STK3: variants seen among roughly 807,000 people sequenced by gnomAD.
STK3 encodes the protein serine/threonine-protein kinase 3.
In STK3, 41 loss-of-function variants were observed where a neutral mutation model predicts 58.0. The ratio of observed to expected loss-of-function variants is 0.71; its 90% CI spans 0.55 to 0.92. The LOEUF is 0.92. Among genes scored for constraint, STK3 ranks in the 40% least tolerant of loss-of-function variants. STK3 has a pLI of 0.00. For missense variants in STK3, 479 were observed against 602.7 expected (o/e 0.79, Z 2.15); for synonymous variants, 170 against 191.0 (o/e 0.89, Z 0.91).
At chr8:98,776,549 T>C (rs1273955601) in intron 1 of STK3, among the ~76,000 whole-genome samples, 9 of 152,218 alleles carry the variant, frequency 5.9e-5, no homozygotes. Context: ...AACAGCCTAC[T>C]TGCAGCAGTG....
At chr8:98,753,004 G>C (rs1294373788) in intron 3 of STK3, among the ~76,000 whole-genome samples, 1 of 151,762 alleles carries the variant, frequency 6.6e-6, no homozygotes, top group Non-Finnish European at 1.5e-5. Context: ...CTTATATACT[G>C]TTGGTGGGAG....
chr8:98,570,954 T>G (rs188278417), intron 8 of STK3, among the ~76,000 whole-genome samples: 3 of 152,364 alleles, frequency 2.0e-5, no homozygotes, highest in Non-Finnish European at 4.4e-5. Flanking sequence ...TTTTACCAAG[T>G]AAGTACATTA....
chr8:98,511,681 C>T (rs1213195705), intron 10 of STK3, among the ~76,000 whole-genome samples: 1 of 152,016 alleles, frequency 6.6e-6, no homozygotes, highest in Non-Finnish European at 1.5e-5. Flanking sequence ...CCACTTTCTC[C>T]TGGAAATGTA....
intron 1 of STK3, among the ~76,000 whole-genome samples, chr8:98,923,872 C>T (rs1264146960): frequency 7.7e-5 from 11 of 142,838 alleles, no homozygotes; most frequent in Admixed American, 3.6e-4. Context: ...CGCGCGCGCG[C>T]GCGCGTTGAC....
intron 10 of STK3, among the ~76,000 whole-genome samples, chr8:98,506,912 C>T (rs747679663): frequency 3.9e-5 from 6 of 152,098 alleles, no homozygotes; most frequent in Non-Finnish European, 8.8e-5. Flanking sequence ...GGTTTAGCCC[C>T]GTTAAGATTT....
At chr8:98,792,983 ATAC>A (rs1017273780) in intron 1 of STK3, among the ~76,000 whole-genome samples, 36 of 152,088 alleles carry the variant, frequency 2.4e-4, no homozygotes, top group African/African-American at 8.2e-4. Context: ...ATATGATGGA[ATAC>A]TACTCAGCCA....
At chr8:98,933,938 G>A (rs1840099848) in intron 1 of STK3, among the ~76,000 whole-genome samples, 1 of 152,208 alleles carries the variant, frequency 6.6e-6, no homozygotes, top group Non-Finnish European at 1.5e-5. Context: ...ATTTTAAATG[G>A]TAATTAAGTC....
intron 1 of STK3, among the ~76,000 whole-genome samples, chr8:98,928,272 C>T (rs1839878051): frequency 6.6e-6 from 1 of 152,160 alleles, no homozygotes; most frequent in South Asian, 2.1e-4. Context: ...AAAGCTAAAG[C>T]AATGCAAGGC....
the STK3 span, among the ~76,000 whole-genome samples, chr8:98,347,048 G>A: frequency 6.6e-6 from 1 of 151,782 alleles, no homozygotes; most frequent in African/African-American, 2.4e-5. Context: ...CATAAAAGGA[G>A]AAGTGGAAGA....
At chr8:98,907,979 A>G (rs984293288) in intron 1 of STK3, among the ~76,000 whole-genome samples, 2 of 152,070 alleles carry the variant, frequency 1.3e-5, no homozygotes, top group African/African-American at 4.8e-5. Flanking sequence ...GGTGTCTTGT[A>G]TCATGTTCCT....
intron 1 of STK3, among the ~76,000 whole-genome samples, chr8:98,820,527 T>G (rs576793062): frequency 5.9e-5 from 9 of 152,338 alleles, no homozygotes; most frequent in Middle Eastern, 3.4e-3. Context: ...AAATATATTT[T>G]CATGCTGCCC....
intron 1 of STK3, among the ~76,000 whole-genome samples, chr8:98,890,145 A>G (rs1479829856): frequency 6.6e-6 from 1 of 152,206 alleles, no homozygotes; most frequent in Non-Finnish European, 1.5e-5. Context: ...TTGTGCTGGG[A>G]CAAAGTACCC....
chr8:98,563,350 C>T (rs1812212348), intron 8 of STK3, among the ~76,000 whole-genome samples: 1 of 152,028 alleles, frequency 6.6e-6, no homozygotes, highest in Admixed American at 6.6e-5. Context: ...TAGAGTCAGA[C>T]ACAACAGTAT....
At chr8:98,564,349 A>T (rs1812299294) in intron 8 of STK3, among the ~76,000 whole-genome samples, 1 of 152,132 alleles carries the variant, frequency 6.6e-6, no homozygotes, top group Non-Finnish European at 1.5e-5. Flanking sequence ...GCTTGCCACA[A>T]ATGACAAAAT....
intron 3 of STK3, among the ~76,000 whole-genome samples, chr8:98,854,562 A>G (rs1260218901): frequency 6.6e-6 from 1 of 152,238 alleles, no homozygotes; most frequent in Non-Finnish European, 1.5e-5. Context: ...TACAAAAATT[A>G]ATTGTATTTT....
chr8:98,693,108 G>A (rs1319485477), intron 6 of STK3, among the ~76,000 whole-genome samples: 1 of 152,094 alleles, frequency 6.6e-6, no homozygotes, highest in Non-Finnish European at 1.5e-5. Context: ...CAAAAAAGAA[G>A]ACACAGGGCT....
In STK3 at chr8:98,756,120, C is replaced by A. The variant is rs1830273601; in HGVS notation, c.237-6730G>T. Among the ~76,000 whole-genome samples, 3 of 149,436 alleles carry A rather than the reference C, an allele frequency of 2.0e-5. No homozygotes were observed. The South Asian group carries it at 6.3e-4, about 31-fold the overall frequency. On this transcript the variant is annotated intron_variant, in intron 3 of 10. Coordinates refer to ENST00000419617, the MANE Select transcript of STK3 (RefSeq NM_006281.4). ...ATCGTGCCACTGCACTCCTGCCTGG[C>A]AGAAGAGTGAGGCTCCGCCTCAAAA...
At chr8:98,654,814 A>C (rs920436635) in intron 6 of STK3, among the ~76,000 whole-genome samples, 15 of 152,096 alleles carry the variant, frequency 9.9e-5, no homozygotes, top group African/African-American at 3.6e-4. Context: ...ACTACAAACC[A>C]CTGCTCAATG....
chr8:98,668,804 G>A (rs1822557545), intron 6 of STK3, among the ~76,000 whole-genome samples: 1 of 151,950 alleles, frequency 6.6e-6, no homozygotes, highest in African/African-American at 2.4e-5. Flanking sequence ...ACCATCAACT[G>A]AAGTGTGTTA....
Sources: gnomAD v4.1 joint callset for allele counts (sites outside exome capture counted in the v4.1 genomes callset) on GRCh38, gnomAD v4.1.1 for gene constraint, MANE v1.5 for transcripts, NCBI Gene and HGNC (gene_info 2026-07-23, HGNC 2026-07-21) for gene names.